The following TESK2 variants were observed in gnomAD, a reference collection of about 807,000 sequenced individuals.
The protein encoded by TESK2 is dual specificity testis-specific protein kinase 2.
Under a neutral mutation model 57.1 loss-of-function variants are expected in TESK2, and 39 were observed. The ratio of observed to expected loss-of-function variants is 0.68; its 90% CI spans 0.53 to 0.89. The LOEUF is 0.89. TESK2 is among the 40% of genes least tolerant of loss of function. The pLI is 0.00. For missense variants in TESK2, 646 were observed against 732.1 expected (o/e 0.88, Z 1.36); for synonymous variants, 249 against 267.9 (o/e 0.93, Z 0.69).
chr1:45,428,019 TA>T (rs1252548893), intron 2 of TESK2, among the ~76,000 whole-genome samples: 1 of 152,182 alleles, frequency 6.6e-6, no homozygotes, highest in Non-Finnish European at 1.5e-5. Context: ...ATGTACCCCA[TA>T]AATATTATCT....
intron 2 of TESK2, among the ~76,000 whole-genome samples, chr1:45,428,816 ATT>A (rs71052876): frequency 1.5e-4 from 12 of 82,590 alleles, no homozygotes; most frequent in African/African-American, 4.1e-4. Context: ...TAAATTCCTG[ATT>A]TTTTTTTTTT....
chr1:45,484,188 A>G (rs1653361021), intron 1 of TESK2, among the ~76,000 whole-genome samples: 1 of 145,186 alleles, frequency 6.9e-6, no homozygotes, highest in African/African-American at 2.6e-5. Context: ...GGCTCACTGC[A>G]ACCTGCGCCT....
intron 2 of TESK2, among the ~76,000 whole-genome samples, chr1:45,455,939 T>C (rs1652070026): frequency 6.6e-6 from 1 of 151,926 alleles, no homozygotes; most frequent in Non-Finnish European, 1.5e-5. Context: ...TTACCTGTAA[T>C]CCCAACACTT....
intron 5 of TESK2, among the ~76,000 whole-genome samples, chr1:45,353,217 G>C (rs768837184): frequency 6.6e-6 from 1 of 152,106 alleles, no homozygotes; most frequent in Non-Finnish European, 1.5e-5. Flanking sequence ...CTTAGTCTTG[G>C]TTTTCCAAAA....
chr1:45,416,257 A>AT (rs1221085835), intron 3 of TESK2, among the ~76,000 whole-genome samples: 1 of 150,646 alleles, frequency 6.6e-6, no homozygotes, highest in Admixed American at 6.6e-5. Context: ...TAATTTTTGT[A>AT]TTTTTTGTAG....
intron 2 of TESK2, among the ~76,000 whole-genome samples, chr1:45,446,802 C>T (rs917319253): frequency 6.6e-6 from 1 of 152,120 alleles, no homozygotes; most frequent in Non-Finnish European, 1.5e-5. Context: ...AACCAAATAC[C>T]CCTGCCTCCA....
chr1:45,458,041 A>G lies in TESK2; in HGVS notation c.-86-170T>C, dbSNP rs145588633. The stretch of plus-strand genomic sequence containing the variant: ...ATAACACTGATATATTTAAAGCCCA[A>G]GATATAGTCAGTCTTTACCATGAGT... On this transcript the variant is annotated intron_variant, in intron 1 of 10. Coordinates refer to ENST00000372086, the MANE Select transcript of TESK2 (RefSeq NM_007170.3). Among the ~76,000 whole-genome samples the G allele has an allele frequency of 1.8e-4, 28 of 152,366 alleles. No homozygotes were observed. In the East Asian group the frequency reaches 4.4e-3, roughly 24 times the overall value.
chr1:45,393,604 G>A (rs1438629443), intron 3 of TESK2, among the ~76,000 whole-genome samples: 1 of 152,086 alleles, frequency 6.6e-6, no homozygotes, highest in Non-Finnish European at 1.5e-5. Flanking sequence ...AGCCAGGCGT[G>A]GTGGTGGGCG....
chr1:45,461,513 C>G (rs916925785), intron 1 of TESK2, among the ~76,000 whole-genome samples: 1 of 152,130 alleles, frequency 6.6e-6, no homozygotes, highest in African/African-American at 2.4e-5. Context: ...CAAACTTCTT[C>G]CATTTCATTA....
intron 2 of TESK2, among the ~76,000 whole-genome samples, chr1:45,434,285 G>A (rs1034720317): frequency 9.3e-5 from 14 of 151,186 alleles, no homozygotes; most frequent in East Asian, 2.0e-4. Context: ...ACTGGCCACC[G>A]TGCCTGGCCT....
chr1:45,448,069 C>T (rs1570741084), intron 2 of TESK2, among the ~76,000 whole-genome samples: 1 of 140,922 alleles, frequency 7.1e-6, no homozygotes, highest in African/African-American at 2.6e-5. Context: ...GACCTTGTGT[C>T]TACAAAAAAA....
intron 1 of TESK2, among the ~76,000 whole-genome samples, chr1:45,476,518 C>T (rs1011020567): frequency 6.6e-6 from 1 of 151,732 alleles, no homozygotes; most frequent in Non-Finnish European, 1.5e-5. Flanking sequence ...AATCCATGTG[C>T]ATCCATACAA....
chr1:45,348,046 G>A, intron 5 of TESK2, 46 bp from the exon 6 acceptor site: 2 of 1,322,128 alleles, frequency 1.5e-6, no homozygotes, highest in Non-Finnish European at 2.2e-6. Context: ...CTCAGAAGCG[G>A]GGATCAGCCA....
chr1:45,350,920 C>A (rs1361096921), intron 5 of TESK2, among the ~76,000 whole-genome samples: 4 of 152,216 alleles, frequency 2.6e-5, no homozygotes, highest in Non-Finnish European at 4.4e-5. Flanking sequence ...CAACGTTGTT[C>A]CTAATTCATG....
chr1:45,356,136 C>T (rs1250669720), intron 4 of TESK2, among the ~76,000 whole-genome samples: 1 of 151,614 alleles, frequency 6.6e-6, no homozygotes, highest in East Asian at 1.9e-4. Flanking sequence ...GAGAGCAGGG[C>T]ATCTGAATCA....
chr1:45,440,995 G>C (rs1262209051), intron 2 of TESK2, among the ~76,000 whole-genome samples: 1 of 152,160 alleles, frequency 6.6e-6, no homozygotes, highest in African/African-American at 2.4e-5. Flanking sequence ...TCACATAAGA[G>C]AGCAGCTCTG....
intron 3 of TESK2, among the ~76,000 whole-genome samples, chr1:45,408,333 A>G (rs532749748): frequency 2.6e-5 from 4 of 151,336 alleles, no homozygotes; most frequent in African/African-American, 9.7e-5. Flanking sequence ...TTTGTATGGG[A>G]TTTTTTTTTA....
intron 2 of TESK2, among the ~76,000 whole-genome samples, chr1:45,433,065 C>CTT (rs150419974): frequency 4.6e-5 from 2 of 43,644 alleles, no homozygotes; most frequent in East Asian, 1.6e-3. Flanking sequence ...CGCCCAGCCG[C>CTT]TTTTTTTTTT....
chr1:45,465,524 AAG>A (rs1652516463), intron 1 of TESK2, among the ~76,000 whole-genome samples: 1 of 151,920 alleles, frequency 6.6e-6, no homozygotes, highest in Admixed American at 6.6e-5. Flanking sequence ...AAGAAAGAAA[AAG>A]AGAAAAAGAA....
Sources: gnomAD v4.1 joint callset for allele counts (sites outside exome capture counted in the v4.1 genomes callset) on GRCh38, gnomAD v4.1.1 for gene constraint, MANE v1.5 for transcripts, NCBI Gene and HGNC (gene_info 2026-07-23, HGNC 2026-07-21) for gene names.